Variants in ADAMTSL1 observed in about 807,000 individuals in gnomAD.
ADAMTSL1 encodes ADAMTS-like protein 1.
A neutral mutation model predicts 201.8 loss-of-function variants in ADAMTSL1; 126 were observed. The observed-to-expected ratio is 0.62, with a 90% CI of 0.54 to 0.72. ADAMTSL1 has a LOEUF of 0.72. ADAMTSL1 is among the 30% of genes least tolerant of loss of function. ADAMTSL1 has a pLI of 0.00. For missense variants in ADAMTSL1, 2,679 were observed against 2,277.8 expected, an observed-to-expected ratio of 1.18 and a Z score of -3.59; for synonymous variants, 1,121 against 903.4, an observed-to-expected ratio of 1.24 and a Z score of -4.32.
chr9:18,734,296 C>A (rs1424135892), intron 15 of ADAMTSL1, among the ~76,000 whole-genome samples: 1 of 152,146 alleles, frequency 6.6e-6, no homozygotes, highest in African/African-American at 2.4e-5. Context: ...TGTAGGTGAT[C>A]TGTGTGTACT....
At chr9:17,961,835 T>TCA (rs1817766822) in intron 1 of ADAMTSL1, among the ~76,000 whole-genome samples, 1 of 152,126 alleles carries the variant, frequency 6.6e-6, no homozygotes, top group African/African-American at 2.4e-5. Flanking sequence ...CAGCATGGTG[T>TCA]GGTCACCACA....
intron 2 of ADAMTSL1, among the ~76,000 whole-genome samples, chr9:18,355,157 C>G (rs1836163674): frequency 6.6e-6 from 1 of 152,108 alleles, no homozygotes; most frequent in Admixed American, 6.6e-5. Flanking sequence ...TGCTGTTTCA[C>G]CTTTTTGATA....
At chr9:17,935,694 A>G (rs971277917) in intron 1 of ADAMTSL1, among the ~76,000 whole-genome samples, 1 of 152,192 alleles carries the variant, frequency 6.6e-6, no homozygotes, top group Non-Finnish European at 1.5e-5. Context: ...CTGATTTACT[A>G]TTAATAGCAA....
chr9:18,387,037 G>A (rs963710220), intron 2 of ADAMTSL1, among the ~76,000 whole-genome samples: 7 of 151,974 alleles, frequency 4.6e-5, no homozygotes, highest in African/African-American at 9.7e-5. Context: ...ATGGGTAAGG[G>A]ATGTTCACGA....
chr9:18,115,359 G>C lies in ADAMTSL1; in HGVS notation c.88-48503G>C, dbSNP rs1825206278. ...TTCTGGAAGGCAGGCAGGAAGGCAG[G>C]CAGGGGGACCTGGCATGCCTCAGAA... On this transcript the variant is annotated intron_variant, in intron 1 of 29. Transcript: ENST00000680146. Among the ~76,000 whole-genome samples, 3 of 152,280 alleles carry C rather than the reference G, an allele frequency of 2.0e-5. No individual in the cohort carries two copies. In the South Asian group the frequency reaches 6.2e-4, roughly 32 times the overall value.
At chr9:18,801,877 A>G (rs905786287) in intron 20 of ADAMTSL1, among the ~76,000 whole-genome samples, 2 of 152,146 alleles carry the variant, frequency 1.3e-5, no homozygotes, top group African/African-American at 4.8e-5. Context: ...TCCTCTGGGT[A>G]TATACCTAAT....
chr9:18,587,700 T>C (rs1823601098), intron 4 of ADAMTSL1, among the ~76,000 whole-genome samples: 1 of 152,176 alleles, frequency 6.6e-6, no homozygotes, highest in Non-Finnish European at 1.5e-5. Flanking sequence ...ACAGATCCAC[T>C]TTTTAGCTCC....
At chr9:18,046,237 A>G (rs550573303) in intron 1 of ADAMTSL1, among the ~76,000 whole-genome samples, 33 of 152,304 alleles carry the variant, frequency 2.2e-4, no homozygotes, top group African/African-American at 7.7e-4. Context: ...AACAAGAGCG[A>G]CTTAAATAAG....
chr9:18,350,156 G>C lies in ADAMTSL1; in HGVS notation c.208-154673G>C, dbSNP rs1339070250. 2.0e-5 allele frequency among the ~76,000 whole-genome samples: 3 copies of C among 152,062 alleles called. No homozygotes were observed. The East Asian group carries it at 5.9e-4, about 30-fold the overall frequency. On this transcript the variant is annotated intron_variant, in intron 2 of 29. Transcript: ENST00000680146. ...ACACTCCTCTCTCCTGGTTTGTTTT[G>C]ATACATCCCCACCTGGTCCCCAGGT...
At chr9:18,019,221 GTTTC>G (rs1820381996) in intron 1 of ADAMTSL1, among the ~76,000 whole-genome samples, 1 of 152,024 alleles carries the variant, frequency 6.6e-6, no homozygotes, top group African/African-American at 2.4e-5. Context: ...ATTCTGCCTG[GTTTC>G]TTCTTTCTGA....
chr9:18,019,338 C>G (rs545828687), intron 1 of ADAMTSL1, among the ~76,000 whole-genome samples: 149 of 152,070 alleles, frequency 9.8e-4, no homozygotes, highest in African/African-American at 3.4e-3. Flanking sequence ...CTATAAATAA[C>G]AAATGATACT....
intron 10 of ADAMTSL1, among the ~76,000 whole-genome samples, chr9:18,677,751 A>G (rs1477519708): frequency 6.6e-6 from 1 of 152,044 alleles, no homozygotes; most frequent in African/African-American, 2.4e-5. Context: ...TGTTTGTACT[A>G]TGTCCTTGTA....
chr9:17,976,876 A>T (rs1309396229), intron 1 of ADAMTSL1, among the ~76,000 whole-genome samples: 1 of 152,020 alleles, frequency 6.6e-6, no homozygotes, highest in Non-Finnish European at 1.5e-5. Flanking sequence ...ACAATTTTGA[A>T]TATAAATGGC....
intron 2 of ADAMTSL1, among the ~76,000 whole-genome samples, chr9:18,328,039 A>G (rs1296525737): frequency 6.6e-6 from 1 of 152,240 alleles, no homozygotes; most frequent in Non-Finnish European, 1.5e-5. Flanking sequence ...TAACAGGACA[A>G]GATTCAAATA....
intron 8 of ADAMTSL1, among the ~76,000 whole-genome samples, chr9:18,661,689 G>C (rs1374226313): frequency 6.6e-6 from 1 of 152,010 alleles, no homozygotes; most frequent in Non-Finnish European, 1.5e-5. Context: ...TATCTGGCTG[G>C]GCCCTTAAGT....
intron 25 of ADAMTSL1, among the ~76,000 whole-genome samples, chr9:18,889,969 A>C (rs1453845468): frequency 6.6e-6 from 1 of 151,774 alleles, no homozygotes; most frequent in Non-Finnish European, 1.5e-5. Context: ...TCACCCCACT[A>C]ATGGCCAGCC....
chr9:18,414,528 G>C (rs1818589576), intron 2 of ADAMTSL1, among the ~76,000 whole-genome samples: 1 of 152,138 alleles, frequency 6.6e-6, no homozygotes, highest in African/African-American at 2.4e-5. Context: ...TGGTTTTTAA[G>C]AAACCGGATG....
chr9:18,185,267 T>C (rs1257329740), intron 2 of ADAMTSL1, among the ~76,000 whole-genome samples: 1 of 152,184 alleles, frequency 6.6e-6, no homozygotes, highest in African/African-American at 2.4e-5. Context: ...GAAGATTTGC[T>C]TGAGAGTCTT....
At chr9:18,177,197 G>T (rs1212245206) in intron 2 of ADAMTSL1, among the ~76,000 whole-genome samples, 1 of 152,184 alleles carries the variant, frequency 6.6e-6, no homozygotes, top group Non-Finnish European at 1.5e-5. Flanking sequence ...TCATCTTTAT[G>T]TATTACATAT....
Sources: allele counts gnomAD v4.1 joint callset (sites outside exome capture counted in the v4.1 genomes callset), GRCh38; gene constraint gnomAD v4.1.1; transcripts MANE v1.5; gene names NCBI Gene and HGNC (gene_info 2026-07-23, HGNC 2026-07-21).